NWD1: variants seen among roughly 807,000 people sequenced by gnomAD.
NWD1 encodes the protein NACHT domain- and WD repeat-containing protein 1.
A neutral mutation model predicts 135.1 loss-of-function variants in NWD1; 129 were observed. That is an observed-to-expected ratio of 0.96 (90% CI 0.83 to 1.11). The LOEUF (loss-of-function observed/expected upper bound fraction) is 1.11. Ranked by LOEUF, NWD1 falls within the 50% of genes least tolerant of loss-of-function variation. The pLI is 0.00. For synonymous variants in NWD1, 773 were observed against 786.0 expected (o/e 0.98, Z 0.28); for missense variants, 1,740 against 1,851.3 (o/e 0.94, Z 1.10).
At chr19:16,776,795 A>G (rs1316309386) in intron 11 of NWD1, among the ~76,000 whole-genome samples, 9 of 144,348 alleles carry the variant, frequency 6.2e-5, no homozygotes, top group East Asian at 2.1e-4. Context: ...AAAAAAAAAA[A>G]GCTGGTCATG....
rs865915852 is a variant in NWD1, at chr19:16,750,408, C to T, written c.1766C>T (p.Ser589Phe). ...CACGTGCTGGGCTACATTGTGTCTT[C>T]CCGGTAAGTCTCTGTGTTTTGAAAC... ...VAHVLGYIVS[S>F]RHGLSEAELK... The change falls in exon 6 of 19, where the codon TCC (serine) becomes TTC (phenylalanine). Residue 589 changes from serine to phenylalanine, a missense_variant. Ser to Phe is a radical substitution (Grantham distance 155). Transcript: ENST00000524140. The T allele has an allele frequency of 6.5e-7, 1 of 1,544,486 alleles. No individual in the cohort carries two copies. The highest frequency in any genetic ancestry group is 8.7e-7 in the Non-Finnish European group (1 of 1,148,588).
At chr19:16,793,810 C>T (rs943405773) in intron 14 of NWD1, among the ~76,000 whole-genome samples, 4 of 152,040 alleles carry the variant, frequency 2.6e-5, no homozygotes, top group Non-Finnish European at 2.9e-5. Context: ...CTCCTGACCT[C>T]GAGTGATCCA....
At position 16,730,896 on chromosome 19, in the gene NWD1, T is replaced by A. The variant is rs150537884; in HGVS notation, c.-6-296T>A. ...AATAACTGCCTATTGCGATTTTTTT[T>A]ATTTTTCTTTCTTTCTTTTTTTTTT... On this transcript the variant is annotated intron_variant, in intron 2 of 18. Transcript: ENST00000524140. Among the ~76,000 whole-genome samples the A allele has an allele frequency of 2.9e-3, 424 of 145,750 alleles. 2 individuals carry two copies. The highest frequency in any genetic ancestry group is 5.9e-3 in the African/African-American group (230 of 39,174).
At chr19:16,730,195 G>A (rs534376953) in intron 2 of NWD1, among the ~76,000 whole-genome samples, 1 of 152,086 alleles carries the variant, frequency 6.6e-6, no homozygotes, top group East Asian at 1.9e-4. Flanking sequence ...GGTGGTGCAC[G>A]CCTGTAATCC....
chr19:16,755,090 T>C (rs1968737094), intron 6 of NWD1, among the ~76,000 whole-genome samples: 1 of 152,238 alleles, frequency 6.6e-6, no homozygotes, highest in South Asian at 2.1e-4. Flanking sequence ...TCCACCTATT[T>C]AAATGATCTA....
chr19:16,814,971 G>C lies in NWD1; in HGVS notation c.4288-57G>C, dbSNP rs1300720236. 1.6e-5 allele frequency: 25 copies of C among 1,535,542 alleles called. No individual in the cohort carries two copies. The Admixed American group carries it at 4.0e-4, about 25-fold the overall frequency. On this transcript the variant is annotated intron_variant, in intron 18 of 18. Coordinates refer to ENST00000524140, the MANE Select transcript of NWD1 (RefSeq NM_001007525.5). ...CATGCAGCCAACTCTGGAATGTGTAGGATTGGACCTCTACACCCCATTTTT... is the reference window on the plus strand; with the variant it reads ...CATGCAGCCAACTCTGGAATGTGTACGATTGGACCTCTACACCCCATTTTT...
rs757633612 is a variant in NWD1 at position 16,744,579 on chromosome 19, C to T, written c.357C>T (p.Tyr119=). The change falls in exon 5 of 19, where the codon TAC becomes TAT. Residue 119 remains tyrosine, a synonymous_variant. Transcript: ENST00000524140. ...ACGAGAATGCGTTTCCTCCCACCTA[C>T]GTCCTGCAGGCACCAGGTACTGGGG... ...QRDENAFPPT[Y]VLQAPGTGEA... The T allele has an allele frequency of 2.9e-5, 45 of 1,534,910 alleles. No individual in the cohort carries two copies. Among genetic ancestry groups the T allele is most frequent in the Non-Finnish European group, 3.5e-5 (40 of 1,146,274 alleles).
rs755615732 is a variant in NWD1 at position 16,765,137 on chromosome 19, C to A, written c.2355C>A (p.Gly785=). ...CAPHLDSPEV[G]LVREALQLCR... is the part of the protein sequence containing the mutation. ...CTCACCTGGACTCCCCTGAGGTTGG[C>A]CTGGTCCGTGAAGCCCTCCAGCTCT... Residue 785 remains glycine, a synonymous_variant, in exon 10 of 19, where the codon GGC becomes GGA. Transcript: ENST00000524140. 3.7e-6 allele frequency: 6 copies of A among 1,614,140 alleles called. No individual in the cohort carries two copies. Among genetic ancestry groups the A allele is most frequent in the Non-Finnish European group, 4.2e-6 (5 of 1,180,006 alleles).
chr19:16,739,301 G>A (rs1319499018), intron 4 of NWD1, among the ~76,000 whole-genome samples: 2 of 115,992 alleles, frequency 1.7e-5, no homozygotes, highest in African/African-American at 6.7e-5. Context: ...AGACCAGCTT[G>A]AGTAACATAG....
At chr19:16,793,303 G>A (rs997755292) in intron 14 of NWD1, among the ~76,000 whole-genome samples, 5 of 151,962 alleles carry the variant, frequency 3.3e-5, no homozygotes, top group African/African-American at 1.2e-4. Flanking sequence ...GCACGATCAT[G>A]GCTCCCTGCA....
chr19:16,813,081 T>G (rs1006906584), intron 18 of NWD1, among the ~76,000 whole-genome samples: 2 of 152,214 alleles, frequency 1.3e-5, no homozygotes, highest in African/African-American at 2.4e-5. Context: ...ATGCACAGGC[T>G]TCCTGCATAC....
chr19:16,779,284 T>C (rs1051390638), intron 11 of NWD1, 59 bp from the exon 12 acceptor site: 10 of 1,607,624 alleles, frequency 6.2e-6, no homozygotes, highest in African/African-American at 1.3e-5. Flanking sequence ...GAGGACCCCA[T>C]AGCTGAATAC....
At chr19:16,810,839 A>G (rs974197294) in intron 18 of NWD1, among the ~76,000 whole-genome samples, 2 of 152,140 alleles carry the variant, frequency 1.3e-5, no homozygotes, top group Non-Finnish European at 2.9e-5. Context: ...TGTCAACCTT[A>G]TGGGAATTTT....
intron 3 of NWD1, among the ~76,000 whole-genome samples, chr19:16,735,595 G>A (rs985308062): frequency 1.3e-5 from 2 of 151,438 alleles, no homozygotes; most frequent in Admixed American, 1.3e-4. Context: ...TTGGGAAGCC[G>A]AGGTGGGTGG....
At position 16,799,962 on chromosome 19, in the gene NWD1, G is replaced by T. The variant is rs150409927; in HGVS notation, c.3536G>T (p.Arg1179Leu). The change falls in exon 17 of 19, where the codon CGC becomes CTC. Residue 1179 changes from arginine to leucine, a missense_variant. Arg to Leu is a moderately radical substitution (Grantham distance 102). Transcript: ENST00000524140. Reference protein sequence around the residue: ...GVGAPVSLLARGGALVASASP... With the variant: ...GVGAPVSLLALGGALVASASP... ...GGGGCCCCCGTGAGCCTGCTGGCCC[G>T]CGGCGGGGCTTTGGTGGCATCTGCT... 18 of 1,614,130 alleles carry T rather than the reference G, an allele frequency of 1.1e-5. No homozygotes were observed. In the East Asian group the frequency reaches 4.0e-4, roughly 36 times the overall value.
chr19:16,723,728 G>C (rs1689036116), intron 1 of NWD1, among the ~76,000 whole-genome samples: 1 of 151,802 alleles, frequency 6.6e-6, no homozygotes, highest in Admixed American at 6.6e-5. Context: ...GAGATGGACT[G>C]TCCCTCTGTT....
chr19:16,747,397 G>T (rs947521567), intron 5 of NWD1, among the ~76,000 whole-genome samples: 1 of 147,974 alleles, frequency 6.8e-6, no homozygotes, highest in Non-Finnish European at 1.5e-5. Flanking sequence ...TTTTTTTTGA[G>T]ACAAGGTCTT....
intron 3 of NWD1, 65 bp from the exon 4 acceptor site, chr19:16,736,569 G>A: frequency 9.8e-7 from 1 of 1,018,736 alleles, no homozygotes; most frequent in South Asian, 1.4e-5. Flanking sequence ...TTTGTCAAAA[G>A]GGATTGAAAA....
chr19:16,785,930 T>A lies in NWD1; in HGVS notation c.2732-3052T>A, dbSNP rs144229379. Among the ~76,000 whole-genome samples, 568 of 152,056 alleles carry A rather than the reference T, an allele frequency of 3.7e-3. 6 individuals are homozygous for A. The highest frequency in any genetic ancestry group is 0.013 in the African/African-American group (533 of 41,496). The stretch of plus-strand genomic sequence containing the variant: ...CCCAGGCTGGAGTGCAATGACATGA[T>A]CTTGGCTCCCTGCAACCTCCGCCTC... On this transcript the variant is annotated intron_variant, in intron 12 of 18. Transcript: ENST00000524140.
Sources: gnomAD v4.1 joint callset for allele counts (sites outside exome capture counted in the v4.1 genomes callset) on GRCh38, gnomAD v4.1.1 for gene constraint, MANE v1.5 for transcripts, NCBI Gene and HGNC (gene_info 2026-07-23, HGNC 2026-07-21) for gene names.